Variants in CDIN1 observed in about 807,000 individuals in gnomAD.
The protein encoded by CDIN1 is CDAN1-interacting nuclease 1.
In CDIN1, 33 loss-of-function variants were observed where a neutral mutation model predicts 45.3. That is an observed-to-expected ratio of 0.73 (90% CI 0.55 to 0.97). The LOEUF is 0.97. Among genes scored for constraint, CDIN1 ranks in the 50% least tolerant of loss-of-function variants. The pLI is 0.00. For synonymous variants in CDIN1, 118 were observed against 124.4 expected (o/e 0.95, Z 0.34); for missense variants, 303 against 339.4 (o/e 0.89, Z 0.84).
chr15:36,806,906 C>A (rs1005017710), intron 10 of CDIN1, among the ~76,000 whole-genome samples: 1 of 152,064 alleles, frequency 6.6e-6, no homozygotes, highest in African/African-American at 2.4e-5. Flanking sequence ...ATTCTACTGA[C>A]CCCAAAGGAA....
intron 1 of CDIN1, chr15:36,627,676 T>C (rs887936871): frequency 6.6e-6 from 1 of 152,380 alleles, no homozygotes; most frequent in Non-Finnish European, 1.5e-5. Context: ...CCATCCGATC[T>C]ACAGGGTCCA....
At chr15:36,703,233 T>TATATATATATATA (rs1555397241) in intron 8 of CDIN1, among the ~76,000 whole-genome samples, 1 of 64,092 alleles carries the variant, frequency 1.6e-5, no homozygotes, top group African/African-American at 7.3e-5. Flanking sequence ...TATATATATA[T>TATATATATATATA]CAGATATATA....
At chr15:36,656,365 G>A (rs1330490049) in intron 4 of CDIN1, among the ~76,000 whole-genome samples, 2 of 151,996 alleles carry the variant, frequency 1.3e-5, no homozygotes, top group Non-Finnish European at 2.9e-5. Context: ...CTTTTTGGGG[G>A]GCTAAGGGCT....
chr15:36,748,971 A>G (rs1485717823), intron 10 of CDIN1, among the ~76,000 whole-genome samples: 4 of 152,178 alleles, frequency 2.6e-5, no homozygotes, highest in Non-Finnish European at 4.4e-5. Flanking sequence ...TGACAAGAGG[A>G]TATAAAGTCA....
intron 8 of CDIN1, 59 bp downstream of exon 8, chr15:36,697,449 AT>A: frequency 7.4e-7 from 1 of 1,349,624 alleles, no homozygotes; most frequent in Non-Finnish European, 1.0e-6. Context: ...TTAAATATAT[AT>A]TTTAAAAATC....
chr15:36,720,896 A>C (rs539690089), intron 10 of CDIN1, among the ~76,000 whole-genome samples: 1 of 152,314 alleles, frequency 6.6e-6, no homozygotes, highest in African/African-American at 2.4e-5. Context: ...TTCCACCAAC[A>C]GTGTAAAAGC....
In CDIN1 at chr15:36,777,278, T is replaced by C. The variant is rs192801148; in HGVS notation, c.717-31046T>C. On this transcript the variant is annotated intron_variant, in intron 10 of 10. Transcript: ENST00000566621. ...AAGAAATACTTGAGCTTAAATTGTTTTAATAATTTCCTCAGTTTCTAAGTA... is the reference window on the plus strand; with the variant it reads ...AAGAAATACTTGAGCTTAAATTGTTCTAATAATTTCCTCAGTTTCTAAGTA... Among the ~76,000 whole-genome samples the C allele has an allele frequency of 9.2e-5, 14 of 152,278 alleles. No homozygotes were observed. The East Asian group carries it at 2.7e-3, about 29-fold the overall frequency.
chr15:36,789,311 T>C (rs2054585589), intron 10 of CDIN1, among the ~76,000 whole-genome samples: 1 of 152,202 alleles, frequency 6.6e-6, no homozygotes, highest in South Asian at 2.1e-4. Flanking sequence ...TTGCAGACCA[T>C]TTTCTTGAGC....
intron 10 of CDIN1, among the ~76,000 whole-genome samples, chr15:36,758,984 G>T (rs908494093): frequency 2.0e-5 from 3 of 152,122 alleles, no homozygotes; most frequent in African/African-American, 7.2e-5. Context: ...TTTCTCTGGG[G>T]GTGAGAGTGG....
chr15:36,740,464 CTG>C (rs146862988), intron 10 of CDIN1, among the ~76,000 whole-genome samples: 2,341 of 152,272 alleles, frequency 0.015, 66 homozygotes, highest in African/African-American at 0.053. Context: ...GGAGTGGAAA[CTG>C]TGGTGATACC....
intron 10 of CDIN1, among the ~76,000 whole-genome samples, chr15:36,755,363 A>G (rs2053583513): frequency 6.6e-6 from 1 of 152,114 alleles, no homozygotes; most frequent in African/African-American, 2.4e-5. Context: ...ACAGCAATTA[A>G]TCTCATTTTA....
chr15:36,673,436 A>G (rs535286694), intron 5 of CDIN1, among the ~76,000 whole-genome samples: 1 of 152,132 alleles, frequency 6.6e-6, no homozygotes, highest in Non-Finnish European at 1.5e-5. Context: ...TTAATAAACA[A>G]ATTTGCTCAG....
chr15:36,602,566 A>G (rs1595728769), intron 1 of CDIN1, among the ~76,000 whole-genome samples: 1 of 152,304 alleles, frequency 6.6e-6, no homozygotes, highest in South Asian at 2.1e-4. Flanking sequence ...CCTTTATTGT[A>G]TTTATCTGTG....
At chr15:36,803,546 A>C (rs1024475257) in intron 10 of CDIN1, among the ~76,000 whole-genome samples, 1 of 152,310 alleles carries the variant, frequency 6.6e-6, no homozygotes, top group African/African-American at 2.4e-5. Context: ...CCTTGATTTA[A>C]CAGATCTACT....
At chr15:36,640,958 GA>G (rs1465573996) in intron 1 of CDIN1, among the ~76,000 whole-genome samples, 1 of 152,218 alleles carries the variant, frequency 6.6e-6, no homozygotes, top group Non-Finnish European at 1.5e-5. Context: ...CTCTATATGG[GA>G]AAATCACACA....
intron 8 of CDIN1, 70 bp downstream of exon 8, chr15:36,697,460 C>A (rs1208897467): frequency 7.9e-7 from 1 of 1,265,644 alleles, no homozygotes; most frequent in Non-Finnish European, 1.1e-6. Flanking sequence ...TTTTAAAAAT[C>A]TTCCACTAAA....
At chr15:36,695,844 C>CAA (rs1307472461) in intron 7 of CDIN1, among the ~76,000 whole-genome samples, 1 of 137,256 alleles carries the variant, frequency 7.3e-6, no homozygotes, top group Admixed American at 7.3e-5. Flanking sequence ...GAGTCCATCT[C>CAA]AAAAAAAAAA....
At chr15:36,598,192 A>G (rs965915878) in intron 1 of CDIN1, among the ~76,000 whole-genome samples, 8 of 152,046 alleles carry the variant, frequency 5.3e-5, no homozygotes, top group African/African-American at 1.7e-4. Context: ...GGGTTTTGCT[A>G]TGTTGCCCAG....
At position 36,618,116 on chromosome 15, in the gene CDIN1, A is replaced by G. The variant is rs555831159; in HGVS notation, c.102-26162A>G. ...TGAAACACCACTGGCCCGCTTTCCCAATGGTAGTTTTGTGAATGGCATTAA... is the reference window on the plus strand; with the variant it reads ...TGAAACACCACTGGCCCGCTTTCCCGATGGTAGTTTTGTGAATGGCATTAA... On this transcript the variant is annotated intron_variant, in intron 1 of 10. Transcript: ENST00000566621. 4.1e-6 allele frequency: 3 copies of G among 731,102 alleles called. No homozygotes were observed. In the Admixed American group the frequency reaches 5.8e-5, roughly 14 times the overall value. 45.3% of individuals were successfully genotyped at this position (731,102 alleles called of 1,614,324 possible). A position where few individuals can be genotyped will look rare whatever the true frequency, so the allele number is the denominator to read the frequency against.
Sources: allele counts gnomAD v4.1 joint callset (sites outside exome capture counted in the v4.1 genomes callset), GRCh38; gene constraint gnomAD v4.1.1; transcripts MANE v1.5; gene names NCBI Gene and HGNC (gene_info 2026-07-23, HGNC 2026-07-21).